AGXT2: variants seen among roughly 807,000 people sequenced by gnomAD.
AGXT2 encodes alanine--glyoxylate aminotransferase 2, mitochondrial.
In AGXT2, 61 loss-of-function variants were observed where a neutral mutation model predicts 62.5. That is an observed-to-expected ratio of 0.98 (90% CI 0.79 to 1.21). AGXT2 has a LOEUF of 1.21. AGXT2 is among the 50% of genes most tolerant of loss of function. The pLI is 0.00. For synonymous variants in AGXT2, 243 were observed against 218.7 expected (o/e 1.11, Z -0.98); for missense variants, 666 against 641.5 (o/e 1.04, Z -0.41).
At chr5:35,034,279 C>G (rs1767686667) in intron 5 of AGXT2, among the ~76,000 whole-genome samples, 1 of 152,072 alleles carries the variant, frequency 6.6e-6, no homozygotes, top group Non-Finnish European at 1.5e-5. Flanking sequence ...GTGTTGAACC[C>G]TGGTAGTACC....
intron 1 of AGXT2, among the ~76,000 whole-genome samples, chr5:35,045,764 C>CTTTTTTTTTTTTT (rs1255749919): frequency 3.4e-4 from 34 of 99,134 alleles, no homozygotes; most frequent in East Asian, 1.4e-3. Flanking sequence ...TTTCTTTTTT[C>CTTTTTTTTTTTTT]TTTTTTTTTT....
chr5:35,018,448 C>G (rs1455983210), intron 9 of AGXT2, among the ~76,000 whole-genome samples: 1 of 151,942 alleles, frequency 6.6e-6, no homozygotes, highest in Admixed American at 6.6e-5. Context: ...AATTTTAAAC[C>G]CAGAATTTCA....
In AGXT2 at chr5:35,012,953, C is replaced by T. The variant is rs114286107; in HGVS notation, c.1188+1G>A. ...AGGTTAATGTGGCCGCTGGAACCAA[C>T]CTCAAGCACAGCAGATCCAATGGCA... On this transcript the variant is annotated splice_donor_variant, in intron 11 of 13. Coordinates refer to ENST00000231420, the MANE Select transcript of AGXT2 (RefSeq NM_031900.4). LOFTEE classifies it high-confidence loss of function. The T allele has an allele frequency of 0.016, 24,126 of 1,551,610 alleles. 261 individuals are homozygous for T. Among genetic ancestry groups the T allele is most frequent in the Non-Finnish European group, 0.017 (19,779 of 1,146,888 alleles).
intron 1 of AGXT2, among the ~76,000 whole-genome samples, 187 bp from the exon 2 acceptor site, chr5:35,040,850 AATAGTTCTT>A (rs1464005742): frequency 6.6e-6 from 1 of 151,910 alleles, no homozygotes; most frequent in Non-Finnish European, 1.5e-5. Context: ...GGAGGAAAAA[AATAGTTCTT>A]CTCAAATATA....
chr5:35,039,409 T>C lies in AGXT2; in HGVS notation c.277A>G (p.Met93Val), dbSNP rs779864214. The C allele has an allele frequency of 1.9e-6, 3 of 1,614,038 alleles. No homozygotes were observed. In the African/African-American group the frequency reaches 4.0e-5, roughly 22 times the overall value. ...CCTTCAGCATCAAAGAGCCACTCCATGTGCCCCTGGTGGAGCAGCAGGGGT... is the reference window on the plus strand; with the variant it reads ...CCTTCAGCATCAAAGAGCCACTCCACGTGCCCCTGGTGGAGCAGCAGGGGT... ...QKPLLLHQGHMEWLFDAEGSR... is the reference protein window; with the variant it reads ...QKPLLLHQGHVEWLFDAEGSR... Residue 93 changes from methionine to valine, a missense_variant, in exon 3 of 14, where the codon ATG becomes GTG. Physicochemically the swap from Met to Val is conservative, Grantham distance 21 (BLOSUM62 1). Transcript: ENST00000231420.
At chr5:35,005,218 T>C (rs1766378002) in intron 12 of AGXT2, among the ~76,000 whole-genome samples, 1 of 151,760 alleles carries the variant, frequency 6.6e-6, no homozygotes, top group Non-Finnish European at 1.5e-5. Context: ...GTCAGTTCTT[T>C]TGTTGTTGTT....
At chr5:35,028,622 A>G (rs638662) in intron 7 of AGXT2, among the ~76,000 whole-genome samples, 29,222 of 45,634 alleles carry the variant, frequency 0.64, 9,596 homozygotes, top group Middle Eastern at 0.8. Context: ...AGAGAGAGAA[A>G]TTCTTCTACT....
chr5:35,005,759 T>G (rs1162650763), intron 12 of AGXT2, among the ~76,000 whole-genome samples: 1 of 152,068 alleles, frequency 6.6e-6, no homozygotes, highest in Non-Finnish European at 1.5e-5. Flanking sequence ...GTGCCCCAAC[T>G]GCTTGATAAT....
chr5:35,021,781 C>G (rs1767101962), intron 9 of AGXT2, among the ~76,000 whole-genome samples: 2 of 152,010 alleles, frequency 1.3e-5, no homozygotes, highest in Non-Finnish European at 2.9e-5. Context: ...TCAGAGTGAA[C>G]AGGCAACCTA....
intron 10 of AGXT2, 119 bp downstream of exon 10, chr5:35,013,868 G>A: frequency 6.9e-7 from 1 of 1,440,024 alleles, no homozygotes; most frequent in South Asian, 1.2e-5. Context: ...ATTTGCTTGG[G>A]AAATGCATCA....
At position 35,039,417 on chromosome 5, in the gene AGXT2, T is replaced by A; in HGVS notation, c.269A>T (p.Gln90Leu). Residue 90 changes from glutamine (Q) to leucine (L), a missense_variant, in exon 3 of 14, where the codon CAG becomes CTG. Physicochemically the swap from Gln to Leu is moderately radical, Grantham distance 113. Coordinates refer to ENST00000231420, the MANE Select transcript of AGXT2 (RefSeq NM_031900.4). ...AYFQKPLLLH[Q>L]GHMEWLFDAE... ...ATCAAAGAGCCACTCCATGTGCCCC[T>A]GGTGGAGCAGCAGGGGTTTCTGGAA... 1.2e-6 allele frequency: 2 copies of A among 1,614,128 alleles called. No homozygotes were observed. Among genetic ancestry groups the A allele is most frequent in the Non-Finnish European group, 8.5e-7 (1 of 1,179,984 alleles).
At chr5:35,002,369 G>A (rs1766260159) in intron 13 of AGXT2, among the ~76,000 whole-genome samples, 1 of 152,160 alleles carries the variant, frequency 6.6e-6, no homozygotes, top group South Asian at 2.1e-4. Context: ...GAAGGTGGAG[G>A]GAGCTTGGAG....
chr5:35,024,412 G>A (rs994477891), intron 9 of AGXT2, among the ~76,000 whole-genome samples: 2 of 152,130 alleles, frequency 1.3e-5, no homozygotes, highest in African/African-American at 4.8e-5. Context: ...AGTAGACAGA[G>A]GACTGCTTTA....
chr5:35,010,083 C>A lies in AGXT2; in HGVS notation c.1255G>T (p.Ala419Ser), dbSNP rs1766574603. 1 of 1,614,230 alleles carries A rather than the reference C, an allele frequency of 6.2e-7. No individual in the cohort carries two copies. The highest frequency in any genetic ancestry group is 8.5e-7 in the Non-Finnish European group (1 of 1,180,038). The change falls in exon 12 of 14, where the codon GCT becomes TCT. Residue 419 changes from alanine to serine, a missense_variant. Physicochemically the swap from Ala to Ser is moderately conservative, Grantham distance 99. Coordinates refer to ENST00000231420, the MANE Select transcript of AGXT2 (RefSeq NM_031900.4). ...ATTTCAAATTCATCCCGCAGCTTAG[C>A]AAACTTTAGTAACATGTAGGTCCCA... ...EVGTYMLLKF[A>S]KLRDEFEIVG...
At position 35,003,852 on chromosome 5, in the gene AGXT2, G is replaced by T; in HGVS notation, c.1348C>A (p.Arg450=). 6.2e-7 allele frequency: 1 copy of T among 1,613,848 alleles called. No individual in the cohort carries two copies. The highest frequency in any genetic ancestry group is 8.5e-7 in the Non-Finnish European group (1 of 1,179,800). The change falls in exon 13 of 14, where the codon CGG becomes AGG. Residue 450 remains arginine, a synonymous_variant. Coordinates refer to ENST00000231420, the MANE Select transcript of AGXT2 (RefSeq NM_031900.4). ...TTTACTTCTTCACGGGGAAGAGGCCGACAGCTTATCTGTAAATATATTTTT... is the reference window on the plus strand; with the variant it reads ...TTTACTTCTTCACGGGGAAGAGGCCTACAGCTTATCTGTAAATATATTTTT... The part of the protein sequence containing the change: ...IEMVQDKISC[R]PLPREEVNQI...
chr5:35,000,548 T>G (rs7737763), intron 13 of AGXT2, among the ~76,000 whole-genome samples: 4 of 151,888 alleles, frequency 2.6e-5, no homozygotes, highest in Non-Finnish European at 4.4e-5. Flanking sequence ...ACTCAGCTAA[T>G]TTTTTATATT....
intron 13 of AGXT2, among the ~76,000 whole-genome samples, chr5:35,003,561 A>G (rs977290138): frequency 7.4e-5 from 11 of 148,870 alleles, no homozygotes; most frequent in Middle Eastern, 3.2e-3. Context: ...GTGGCCTGAG[A>G]GCTGCACTGT....
At position 35,040,629 on chromosome 5, in the gene AGXT2, A is replaced by T. The variant is rs1236122104; in HGVS notation, c.123T>A (p.Ser41Arg). ...GAGGCATTCTGGGCTTTGTATGAAG[A>T]CTGAGCTTGGTTACTGATGTCCGGG... ...GTSRTSVTKL[S>R]LHTKPRMPPC... The change falls in exon 2 of 14, where the codon AGT (serine) becomes AGA (arginine). Residue 41 changes from serine to arginine, a missense_variant. Coordinates refer to ENST00000231420, the MANE Select transcript of AGXT2 (RefSeq NM_031900.4). 6.8e-6 allele frequency: 11 copies of T among 1,613,856 alleles called. No individual in the cohort carries two copies. Among genetic ancestry groups the T allele is most frequent in the Non-Finnish European group, 9.3e-6 (11 of 1,179,854 alleles).
chr5:34,998,825 G>T lies in AGXT2; in HGVS notation c.1439C>A (p.Thr480Lys). ...GCACATTGAGGGCGCAATGCGAAAT[G>T]TCTGAGGAGACACCAAAAAATAAGA... ...LVGRGSIFSQTFRIAPSMCIT... is the reference protein window; with the variant it reads ...LVGRGSIFSQKFRIAPSMCIT... The change falls in exon 14 of 14, where the codon ACA (threonine) becomes AAA (lysine). Residue 480 changes from threonine to lysine, a missense_variant and splice_region_variant. Thr to Lys is a moderately conservative substitution (Grantham distance 78). Transcript: ENST00000231420. The T allele has an allele frequency of 1.2e-6, 2 of 1,607,642 alleles. No homozygotes were observed.
Sources: gnomAD v4.1 joint callset for allele counts (sites outside exome capture counted in the v4.1 genomes callset) on GRCh38, gnomAD v4.1.1 for gene constraint, MANE v1.5 for transcripts, NCBI Gene and HGNC (gene_info 2026-07-23, HGNC 2026-07-21) for gene names.